NMRK1: variants seen among roughly 807,000 people sequenced by gnomAD.
NMRK1 encodes the protein NRK 1.
NMRK1 carries 28 observed loss-of-function variants against 29.9 expected under a neutral mutation model. The ratio of observed to expected loss-of-function variants is 0.94; its 90% CI spans 0.69 to 1.28. NMRK1 has a LOEUF of 1.28. Among genes scored for constraint, NMRK1 ranks in the 50% most tolerant of loss-of-function variants. The pLI is 0.00. For synonymous variants in NMRK1, 58 were observed against 73.0 expected, an observed-to-expected ratio of 0.79 and a Z score of 1.05; for missense variants, 218 against 233.1, an observed-to-expected ratio of 0.94 and a Z score of 0.42.
chr9:75,083,020 T>A (rs1824406603), intron 2 of NMRK1, 67 bp downstream of exon 2: 1 of 1,156,864 alleles, frequency 8.6e-7, no homozygotes, highest in Non-Finnish European at 1.3e-6. Context: ...CCCCACTCCA[T>A]CCACACAGAA....
chr9:75,073,113 G>A (rs1313074154), intron 4 of NMRK1, among the ~76,000 whole-genome samples: 1 of 152,202 alleles, frequency 6.6e-6, no homozygotes, highest in Non-Finnish European at 1.5e-5. Flanking sequence ...TCACACTGGA[G>A]TAGGGTGGGT....
At chr9:75,065,228 C>T (rs567511944) in intron 8 of NMRK1, among the ~76,000 whole-genome samples, 34 of 152,202 alleles carry the variant, frequency 2.2e-4, no homozygotes, top group South Asian at 4.1e-4. Flanking sequence ...AGTGCAGTGG[C>T]GTGCAATCTT....
At chr9:75,083,196 G>T in intron 1 of NMRK1, 46 bp from the exon 2 acceptor site, 1 of 955,760 alleles carries the variant, frequency 1.0e-6, no homozygotes, top group Admixed American at 1.9e-5. Context: ...ATTTCATTTA[G>T]ATGTCTAGGG....
At chr9:75,073,072 G>T (rs998854616) in intron 4 of NMRK1, among the ~76,000 whole-genome samples, 2 of 152,174 alleles carry the variant, frequency 1.3e-5, no homozygotes, top group Non-Finnish European at 2.9e-5. Context: ...TGGAAATATG[G>T]TCATTACAGA....
At chr9:75,082,990 A>G (rs1824404038) in intron 2 of NMRK1, 97 bp downstream of exon 2, 1 of 880,450 alleles carries the variant, frequency 1.1e-6, no homozygotes, top group Non-Finnish European at 1.9e-6. Flanking sequence ...GGACTCTGGA[A>G]TCCTCACTGC....
chr9:75,066,316 A>C, intron 8 of NMRK1: 1 of 511,986 alleles, frequency 2.0e-6, no homozygotes, highest in Non-Finnish European at 3.9e-6. Flanking sequence ...CAAACACTTC[A>C]TAATACTTTT....
rs78374275 is a variant in NMRK1, at chr9:75,069,405, T to C, written c.390-303A>G. 4.2e-3 allele frequency: 1,958 copies of C among 470,020 alleles called. 29 individuals are homozygous for C. The highest frequency in any genetic ancestry group is 0.033 in the African/African-American group (1,687 of 50,360). 29.1% of individuals were successfully genotyped at this position (470,020 alleles called of 1,614,324 possible). A position where few individuals can be genotyped will look rare whatever the true frequency, so the allele number is the denominator to read the frequency against. ...AAATAACAATGGAGAGACCACTATG[T>C]TGGATTAAGCTTTGAACTAATTGGT... On this transcript the variant is annotated intron_variant, in intron 6 of 8. Coordinates refer to ENST00000361092, the MANE Select transcript of NMRK1 (RefSeq NM_017881.3).
chr9:75,066,244 A>T (rs757916354), intron 8 of NMRK1: 1 of 518,392 alleles, frequency 1.9e-6, no homozygotes, highest in Non-Finnish European at 3.9e-6. Flanking sequence ...TTTCTGCTGT[A>T]GCCATATTTA....
At chr9:75,067,984 A>C (rs994730062) in intron 7 of NMRK1, among the ~76,000 whole-genome samples, 7 of 152,302 alleles carry the variant, frequency 4.6e-5, no homozygotes, top group Admixed American at 4.6e-4. Flanking sequence ...GCTCAAGCCC[A>C]CAGATCCGGA....
intron 8 of NMRK1, among the ~76,000 whole-genome samples, chr9:75,064,086 T>C (rs920950948): frequency 3.3e-5 from 5 of 152,180 alleles, no homozygotes; most frequent in African/African-American, 1.2e-4. Context: ...ATGCACTTTC[T>C]TGTGAGCTAG....
At chr9:75,081,074 G>C (rs1564140533) in intron 2 of NMRK1, among the ~76,000 whole-genome samples, 1 of 152,160 alleles carries the variant, frequency 6.6e-6, no homozygotes. Flanking sequence ...TAAATTTCCA[G>C]GAAGTTCATG....
chr9:75,067,139 T>G (rs1030241320), intron 7 of NMRK1: 1 of 258,908 alleles, frequency 3.9e-6, no homozygotes, highest in African/African-American at 2.3e-5. Context: ...GAAAGTGGTG[T>G]TGTGCATACG....
Position 75,061,429 on chromosome 9 carries a change from A to G in NMRK1, c.*119T>C. 1.3e-6 allele frequency: 1 copy of G among 773,424 alleles called. No individual in the cohort carries two copies. The highest frequency in any genetic ancestry group is 2.2e-6 in the Non-Finnish European group (1 of 458,564). The allele number at this position is 773,424 out of a possible 1,614,324, so 47.9% of individuals were successfully genotyped here. A position where few individuals can be genotyped will look rare whatever the true frequency, so the allele number is the denominator to read the frequency against. On this transcript the variant is annotated 3_prime_UTR_variant, in exon 9 of 9. Coordinates refer to ENST00000361092, the MANE Select transcript of NMRK1 (RefSeq NM_017881.3). ...GGAAAACCATGTGCAATAAAAATCA[A>G]ACATATGAAACAATGGCTGTCATTG... is the stretch of plus-strand genomic sequence containing the variant.
At chr9:75,066,290 A>G (rs779349734) in intron 8 of NMRK1, 1 of 518,422 alleles carries the variant, frequency 1.9e-6, no homozygotes. Flanking sequence ...GTGCCGTCCA[A>G]TATGAAAACC....
intron 2 of NMRK1, chr9:75,082,568 TG>T (rs1215680377): frequency 6.5e-6 from 1 of 153,436 alleles, no homozygotes; most frequent in East Asian, 1.9e-4. Context: ...ACAGGTAGGA[TG>T]ACCATATAAT....
At chr9:75,081,885 T>C (rs1026528145) in intron 2 of NMRK1, among the ~76,000 whole-genome samples, 1 of 152,194 alleles carries the variant, frequency 6.6e-6, no homozygotes, top group African/African-American at 2.4e-5. Context: ...GGGCTCCTAG[T>C]AGATCTTTGT....
chr9:75,078,377 CT>C, intron 2 of NMRK1: 1 of 1,569,662 alleles, frequency 6.4e-7, no homozygotes. Context: ...CTCTCTCCAC[CT>C]GGGGGCCAGC....
chr9:75,076,983 C>T (rs1824026607), intron 4 of NMRK1, among the ~76,000 whole-genome samples, 176 bp downstream of exon 4: 1 of 152,118 alleles, frequency 6.6e-6, no homozygotes, highest in South Asian at 2.1e-4. Flanking sequence ...CAAATGCAGG[C>T]TTAAAGTACA....
chr9:75,062,169 G>C (rs1823059851), intron 8 of NMRK1, among the ~76,000 whole-genome samples: 1 of 152,192 alleles, frequency 6.6e-6, no homozygotes, highest in African/African-American at 2.4e-5. Flanking sequence ...AACCAACAAA[G>C]AGTAGGTGTA....
Sources: gnomAD v4.1 joint callset for allele counts (sites outside exome capture counted in the v4.1 genomes callset) on GRCh38, gnomAD v4.1.1 for gene constraint, MANE v1.5 for transcripts, NCBI Gene and HGNC (gene_info 2026-07-23, HGNC 2026-07-21) for gene names.